FAIM2: variants seen among roughly 807,000 people sequenced by gnomAD.
FAIM2 encodes protein lifeguard 2.
FAIM2 carries 27 observed loss-of-function variants against 47.4 expected under a neutral mutation model. The observed-to-expected ratio is 0.57, with a 90% CI of 0.42 to 0.78. The LOEUF is 0.78. FAIM2 is among the 30% of genes least tolerant of loss of function. The probability of loss-of-function intolerance (pLI) is 0.00; values close to 1 mark genes in which losing one functional copy is unlikely to be tolerated. For missense variants in FAIM2, 311 were observed against 389.4 expected, an observed-to-expected ratio of 0.80 and a Z score of 1.69; for synonymous variants, 156 against 159.3, an observed-to-expected ratio of 0.98 and a Z score of 0.16.
chr12:49,880,206 G>GTA (rs1946802429), intron 11 of FAIM2, among the ~76,000 whole-genome samples: 2 of 149,170 alleles, frequency 1.3e-5, no homozygotes, highest in Non-Finnish European at 3.0e-5. Context: ...GCATGTGTGT[G>GTA]TGCATGTGTG....
At chr12:49,876,530 G>A (rs143490681) in intron 11 of FAIM2, among the ~76,000 whole-genome samples, 28 of 152,242 alleles carry the variant, frequency 1.8e-4, no homozygotes, top group African/African-American at 6.5e-4. Flanking sequence ...TTGGGAGGCC[G>A]AGGCGGGCGG....
At chr12:49,889,687 G>GGGAAAGGGCACCAGAT in intron 8 of FAIM2, 119 bp from the exon 9 acceptor site, 2 of 779,976 alleles carry the variant, frequency 2.6e-6, no homozygotes, top group Non-Finnish European at 4.4e-6. Flanking sequence ...CCCCAGTCTG[G>GGGAAAGGGCACCAGAT]TGCCCTTTCC....
intron 11 of FAIM2, among the ~76,000 whole-genome samples, chr12:49,881,432 G>A (rs929979604): frequency 6.6e-6 from 1 of 152,084 alleles, no homozygotes; most frequent in Admixed American, 6.5e-5. Flanking sequence ...TGGGACTTGG[G>A]CTCCTGATTT....
At chr12:49,897,762 G>A (rs759677903) in intron 3 of FAIM2, among the ~76,000 whole-genome samples, 179 bp from the exon 4 acceptor site, 1 of 122,532 alleles carries the variant, frequency 8.2e-6, no homozygotes, top group Admixed American at 7.5e-5. Context: ...AGAGCCAAGC[G>A]CACCCCCCCC....
At chr12:49,887,926 C>A (rs1016219309) in intron 10 of FAIM2, among the ~76,000 whole-genome samples, 1 of 152,126 alleles carries the variant, frequency 6.6e-6, no homozygotes, top group Non-Finnish European at 1.5e-5. Flanking sequence ...CATCTGGAGT[C>A]TCTGCCAGCT....
Position 49,889,134 on chromosome 12 carries a change from G to A in FAIM2, c.720C>T (p.Ile240=). 1 of 1,611,772 alleles carries A rather than the reference G, an allele frequency of 6.2e-7. No individual in the cohort carries two copies. Among genetic ancestry groups the A allele is most frequent in the Non-Finnish European group, 8.5e-7 (1 of 1,179,012 alleles). The part of the protein sequence containing the change: ...LLMTLFFSGL[I]LAILLPFQYV... ...ATTGGAAGGGTAGGAGGATGGCCAG[G>A]ATGAGTCCGCTGAAGAAAAGAGTCA... Residue 240 remains isoleucine (I), a synonymous_variant, in exon 10 of 12, where the codon ATC becomes ATT. Coordinates refer to ENST00000320634, the MANE Select transcript of FAIM2 (RefSeq NM_012306.4).
chr12:49,901,320 G>T lies in FAIM2; in HGVS notation c.21C>A (p.Ser7=). The T allele has an allele frequency of 6.3e-7, 1 of 1,578,298 alleles. No individual in the cohort carries two copies. Among genetic ancestry groups the T allele is most frequent in the Non-Finnish European group, 8.6e-7 (1 of 1,166,164 alleles). ...CGGTCCCAGGGGCCTTGTTAGCCAC[G>T]GAGAGCTATGGAGTAGAGTCAGAGA... The part of the protein sequence containing the change: MTQGKL[S]VANKAPGTEG... The change falls in exon 2 of 12, where the codon TCC becomes TCA. Residue 7 remains serine, a synonymous_variant. Transcript: ENST00000320634.
chr12:49,891,779 C>T (rs17201502), intron 5 of FAIM2, among the ~76,000 whole-genome samples: 42,335 of 152,086 alleles, frequency 0.28, 7,054 homozygotes, highest in Non-Finnish European at 0.37. Context: ...TGGCACCTGT[C>T]GGGTGAATTT....
intron 11 of FAIM2, among the ~76,000 whole-genome samples, chr12:49,879,834 G>T (rs1565614382): frequency 1.3e-5 from 2 of 151,540 alleles, no homozygotes; most frequent in Admixed American, 1.3e-4. Flanking sequence ...ATATGTGCGT[G>T]CATGTGTGAG....
chr12:49,884,573 A>G (rs895648646), intron 11 of FAIM2, among the ~76,000 whole-genome samples: 2 of 152,222 alleles, frequency 1.3e-5, no homozygotes, highest in Non-Finnish European at 2.9e-5. Context: ...CAGTAGAACC[A>G]CAGAAGGTGT....
intron 11 of FAIM2, among the ~76,000 whole-genome samples, chr12:49,883,244 C>T (rs1946838271): frequency 6.6e-6 from 1 of 152,146 alleles, no homozygotes; most frequent in South Asian, 2.1e-4. Flanking sequence ...TGCATAGATG[C>T]AGGGCACAGG....
chr12:49,882,619 A>G (rs550377045), intron 11 of FAIM2, among the ~76,000 whole-genome samples: 5 of 151,722 alleles, frequency 3.3e-5, no homozygotes, highest in Admixed American at 3.3e-4. Flanking sequence ...TCCTAATGAG[A>G]TAATTGGCAC....
chr12:49,878,597 TATGTGTGC>T (rs1456521668), intron 11 of FAIM2, among the ~76,000 whole-genome samples: 1 of 110,640 alleles, frequency 9.0e-6, no homozygotes, highest in Non-Finnish European at 1.9e-5. Context: ...TGTGTATGTG[TATGTGTGC>T]ATGTGTATGT....
intron 2 of FAIM2, among the ~76,000 whole-genome samples, 190 bp from the exon 3 acceptor site, chr12:49,898,280 A>G (rs921134170): frequency 6.6e-6 from 1 of 152,222 alleles, no homozygotes; most frequent in Non-Finnish European, 1.5e-5. Flanking sequence ...TCCCTGGTCA[A>G]TTCTCACTTT....
intron 11 of FAIM2, among the ~76,000 whole-genome samples, chr12:49,880,345 T>C (rs957861512): frequency 1.3e-5 from 2 of 151,042 alleles, no homozygotes; most frequent in African/African-American, 2.4e-5. Flanking sequence ...CATGTTTGTG[T>C]ATGTGCATGT....
chr12:49,898,516 T>C (rs1592795031), intron 2 of FAIM2, among the ~76,000 whole-genome samples: 2 of 152,154 alleles, frequency 1.3e-5, no homozygotes, highest in Admixed American at 6.5e-5. Flanking sequence ...GCTCATTCTT[T>C]TTGTTTTTGT....
chr12:49,870,894 C>T (rs1946697679), intron 11 of FAIM2, among the ~76,000 whole-genome samples: 1 of 152,234 alleles, frequency 6.6e-6, no homozygotes, highest in South Asian at 2.1e-4. Flanking sequence ...GCCGGGATCC[C>T]TGTCCTCACA....
intron 5 of FAIM2, 95 bp downstream of exon 5, chr12:49,896,936 T>C (rs1946941850): frequency 4.0e-6 from 4 of 1,003,604 alleles, no homozygotes; most frequent in Non-Finnish European, 6.4e-6. Context: ...TGGGGGAAGC[T>C]ACGGGCTCAG....
chr12:49,897,611 T>C (rs747286287), intron 3 of FAIM2, 28 bp from the exon 4 acceptor site: 5 of 1,589,690 alleles, frequency 3.1e-6, no homozygotes, highest in Non-Finnish European at 4.3e-6. Flanking sequence ...TCTACTCAGC[T>C]TGGGGGGCCC....
Sources: allele counts gnomAD v4.1 joint callset (sites outside exome capture counted in the v4.1 genomes callset), GRCh38; gene constraint gnomAD v4.1.1; transcripts MANE v1.5; gene names NCBI Gene and HGNC (gene_info 2026-07-23, HGNC 2026-07-21).